Variants in CERS3 observed in about 807,000 individuals in gnomAD.
CERS3 encodes LAG1 homolog, ceramide synthase 3.
A neutral mutation model predicts 50.3 loss-of-function variants in CERS3; 33 were observed. The ratio of observed to expected loss-of-function variants is 0.66; its 90% CI spans 0.50 to 0.88. The LOEUF (loss-of-function observed/expected upper bound fraction) is 0.88. CERS3 is among the 40% of genes least tolerant of loss of function. The pLI is 0.00. For missense variants in CERS3, 470 were observed against 460.3 expected (o/e 1.02, Z -0.19); for synonymous variants, 176 against 155.2 (o/e 1.13, Z -0.99).
intron 11 of CERS3, among the ~76,000 whole-genome samples, chr15:100,453,697 G>A (rs889628148): frequency 3.9e-5 from 6 of 152,144 alleles, no homozygotes; most frequent in Non-Finnish European, 7.4e-5. Flanking sequence ...TAGAAAAGAG[G>A]ATGTCAAATT....
At chr15:100,422,059 G>A (rs1275159510) in intron 11 of CERS3, among the ~76,000 whole-genome samples, 1 of 116,514 alleles carries the variant, frequency 8.6e-6, no homozygotes, top group Admixed American at 1.0e-4. Flanking sequence ...AAAAGCAATG[G>A]CAGCAAAAGC....
chr15:100,457,229 A>T (rs550302799), intron 10 of CERS3, among the ~76,000 whole-genome samples: 45 of 152,202 alleles, frequency 3.0e-4, no homozygotes, highest in African/African-American at 1.1e-3. Flanking sequence ...GTTTTTTGGT[A>T]TATTGTTCAA....
At chr15:100,536,394 C>T (rs190637223) in intron 1 of CERS3, among the ~76,000 whole-genome samples, 1 of 152,278 alleles carries the variant, frequency 6.6e-6, no homozygotes, top group East Asian at 1.9e-4. Flanking sequence ...AAGGGATCCT[C>T]CTACTTTAGC....
At chr15:100,432,038 A>G (rs1309975340) in intron 11 of CERS3, among the ~76,000 whole-genome samples, 2 of 150,918 alleles carry the variant, frequency 1.3e-5, no homozygotes, top group South Asian at 2.1e-4. Flanking sequence ...CTTGTATAGC[A>G]TACTCCTGAG....
At chr15:100,527,888 T>TTTCTC (rs10673631) in intron 1 of CERS3, among the ~76,000 whole-genome samples, 120,729 of 151,734 alleles carry the variant, frequency 0.8, 48,650 homozygotes, top group South Asian at 0.89. Context: ...TTAAAGAACT[T>TTTCTC]TTTATCCAGA....
chr15:100,451,565 G>A (rs1414259839), intron 11 of CERS3, among the ~76,000 whole-genome samples: 1 of 152,076 alleles, frequency 6.6e-6, no homozygotes, highest in African/African-American at 2.4e-5. Context: ...AAATTAGCCG[G>A]GTGTGGTGGT....
At chr15:100,508,922 A>G (rs1010532444) in intron 2 of CERS3, among the ~76,000 whole-genome samples, 1 of 152,204 alleles carries the variant, frequency 6.6e-6, no homozygotes, top group Non-Finnish European at 1.5e-5. Context: ...TTTTATTTAC[A>G]TAAAAAAATC....
intron 2 of CERS3, among the ~76,000 whole-genome samples, chr15:100,513,076 G>C (rs1222624101): frequency 6.6e-6 from 1 of 152,082 alleles, no homozygotes; most frequent in Non-Finnish European, 1.5e-5. Flanking sequence ...CATCTGAAAG[G>C]GTCAAGTTCC....
intron 11 of CERS3, among the ~76,000 whole-genome samples, chr15:100,416,448 T>C (rs543442356): frequency 6.6e-6 from 1 of 152,302 alleles, no homozygotes; most frequent in Non-Finnish European, 1.5e-5. Flanking sequence ...AGTAAATATT[T>C]GCAAACTGTG....
chr15:100,525,434 T>C (rs145782244), intron 1 of CERS3, among the ~76,000 whole-genome samples: 55 of 152,324 alleles, frequency 3.6e-4, no homozygotes, highest in African/African-American at 1.3e-3. Context: ...AAAGGTAAAA[T>C]TTGTTTCATG....
intron 10 of CERS3, among the ~76,000 whole-genome samples, chr15:100,459,326 C>T (rs918912693): frequency 2.0e-5 from 3 of 151,970 alleles, no homozygotes; most frequent in Non-Finnish European, 2.9e-5. Flanking sequence ...GACATGGTCT[C>T]GCTCTGTCTC....
At chr15:100,429,737 C>T (rs2033016106) in intron 11 of CERS3, among the ~76,000 whole-genome samples, 1 of 152,160 alleles carries the variant, frequency 6.6e-6, no homozygotes, top group African/African-American at 2.4e-5. Flanking sequence ...CACGGAAAAG[C>T]TTCACCATCT....
At chr15:100,525,886 T>A (rs1456557760) in intron 1 of CERS3, among the ~76,000 whole-genome samples, 1 of 152,200 alleles carries the variant, frequency 6.6e-6, no homozygotes. Context: ...CTGTCTGGTC[T>A]GTCTAGTGTT....
At chr15:100,526,631 T>C (rs2036803056) in intron 1 of CERS3, among the ~76,000 whole-genome samples, 1 of 152,138 alleles carries the variant, frequency 6.6e-6, no homozygotes, top group Admixed American at 6.5e-5. Flanking sequence ...AGGACATTCA[T>C]TACTTTAAGA....
At chr15:100,414,462 T>C (rs2031737536) in intron 11 of CERS3, among the ~76,000 whole-genome samples, 1 of 152,002 alleles carries the variant, frequency 6.6e-6, no homozygotes, top group African/African-American at 2.4e-5. Flanking sequence ...AAAGAGCCTA[T>C]ATAGCCAAGA....
intron 3 of CERS3, among the ~76,000 whole-genome samples, chr15:100,497,480 C>A (rs1365741768): frequency 2.0e-5 from 3 of 151,984 alleles, no homozygotes; most frequent in Non-Finnish European, 2.9e-5. Context: ...ATTAGAACAA[C>A]ACAAACTGGA....
intron 11 of CERS3, among the ~76,000 whole-genome samples, chr15:100,447,581 C>G (rs571381983): frequency 2.7e-4 from 41 of 152,336 alleles, no homozygotes; most frequent in African/African-American, 9.9e-4. Flanking sequence ...TGACTCTTTT[C>G]ATCAACACTT....
chr15:100,412,153 G>A (rs1482152454), intron 11 of CERS3, among the ~76,000 whole-genome samples: 1 of 151,972 alleles, frequency 6.6e-6, no homozygotes. Flanking sequence ...TTTATTGTCT[G>A]TGCCTTTAGT....
chr15:100,468,045 C>T (rs1218710168), intron 10 of CERS3, among the ~76,000 whole-genome samples: 1 of 151,828 alleles, frequency 6.6e-6, no homozygotes, highest in Non-Finnish European at 1.5e-5. Context: ...ATTTCACAAA[C>T]ACACTTGCTC....
Sources: gnomAD v4.1 joint callset for allele counts (sites outside exome capture counted in the v4.1 genomes callset) on GRCh38, gnomAD v4.1.1 for gene constraint, MANE v1.5 for transcripts, NCBI Gene and HGNC (gene_info 2026-07-23, HGNC 2026-07-21) for gene names.